Variants in TMEM108 observed in about 807,000 individuals in gnomAD.
TMEM108 encodes transmembrane protein 108.
TMEM108 carries 12 observed loss-of-function variants against 35.1 expected under a neutral mutation model. The ratio of observed to expected loss-of-function variants is 0.34; its 90% CI spans 0.22 to 0.55. The LOEUF (loss-of-function observed/expected upper bound fraction) is 0.55. Ranked by LOEUF, TMEM108 falls within the 20% of genes least tolerant of loss-of-function variation. The probability of loss-of-function intolerance (pLI) is 0.89; values close to 1 mark genes in which losing one functional copy is unlikely to be tolerated. For missense variants in TMEM108, 680 were observed against 753.3 expected, an observed-to-expected ratio of 0.90 and a Z score of 1.14; for synonymous variants, 287 against 308.6, an observed-to-expected ratio of 0.93 and a Z score of 0.73.
chr3:133,151,507 T>C (rs1162443000), intron 2 of TMEM108, among the ~76,000 whole-genome samples: 1 of 152,116 alleles, frequency 6.6e-6, no homozygotes, highest in Non-Finnish European at 1.5e-5. Flanking sequence ...TGTAGAGCCA[T>C]TTTATCTCTT....
intron 2 of TMEM108, among the ~76,000 whole-genome samples, chr3:133,152,371 A>G (rs926570164): frequency 6.6e-6 from 1 of 152,102 alleles, no homozygotes; most frequent in Non-Finnish European, 1.5e-5. Context: ...CACTTCATCT[A>G]TTTTGTTCAA....
intron 3 of TMEM108, among the ~76,000 whole-genome samples, chr3:133,265,375 T>C (rs1946683078): frequency 6.6e-6 from 1 of 152,192 alleles, no homozygotes; most frequent in African/African-American, 2.4e-5. Flanking sequence ...GCAGAACACA[T>C]ACTTTGGGTT....
intron 2 of TMEM108, among the ~76,000 whole-genome samples, chr3:133,075,134 G>A (rs535180101): frequency 9.9e-5 from 15 of 152,092 alleles, no homozygotes; most frequent in Admixed American, 5.9e-4. Context: ...CCATCTGTTC[G>A]GCCAGGGATG....
chr3:133,083,666 A>G lies in TMEM108; in HGVS notation c.-47+37646A>G, dbSNP rs191359049. ...GTCCCTGAAGTAATGTTTTATTTTT[A>G]GATAGTTCTAACCCTGAGGACATTC... On this transcript the variant is annotated intron_variant, in intron 2 of 5. Coordinates refer to ENST00000321871, the MANE Select transcript of TMEM108 (RefSeq NM_023943.4). Among the ~76,000 whole-genome samples the G allele has an allele frequency of 6.6e-3, 1,002 of 152,282 alleles. 11 individuals carry two copies. Among genetic ancestry groups the G allele is most frequent in the Non-Finnish European group, 5.9e-3 (404 of 68,012 alleles).
chr3:133,302,187 G>A (rs1326225615), intron 3 of TMEM108, among the ~76,000 whole-genome samples: 1 of 152,138 alleles, frequency 6.6e-6, no homozygotes, highest in Non-Finnish European at 1.5e-5. Context: ...GCTTGGAATT[G>A]TGATGCCGTG....
chr3:133,382,558 C>T (rs2073041070), intron 4 of TMEM108, among the ~76,000 whole-genome samples: 1 of 152,220 alleles, frequency 6.6e-6, no homozygotes, highest in Non-Finnish European at 1.5e-5. Flanking sequence ...GAAGAGGGAG[C>T]CGATGGTGGA....
chr3:133,261,869 A>G (rs1946630101), intron 3 of TMEM108, among the ~76,000 whole-genome samples: 1 of 152,180 alleles, frequency 6.6e-6, no homozygotes, highest in Admixed American at 6.5e-5. Context: ...TAGTTAGCTC[A>G]GTGTAAAGCT....
chr3:133,167,444 G>A (rs1239483212), intron 2 of TMEM108, among the ~76,000 whole-genome samples: 1 of 152,276 alleles, frequency 6.6e-6, no homozygotes, highest in East Asian at 1.9e-4. Context: ...CTGCAGAGCA[G>A]GGGGTGGTGC....
intron 3 of TMEM108, among the ~76,000 whole-genome samples, chr3:133,257,846 T>C (rs539876635): frequency 6.6e-6 from 1 of 152,300 alleles, no homozygotes; most frequent in South Asian, 2.1e-4. Flanking sequence ...TGCAACAACT[T>C]ACTTAGTGTA....
chr3:133,103,548 A>G (rs1333128697), intron 2 of TMEM108, among the ~76,000 whole-genome samples: 2 of 152,176 alleles, frequency 1.3e-5, no homozygotes, highest in East Asian at 3.8e-4. Flanking sequence ...AAGTTTACCT[A>G]TATAACCTGC....
At chr3:133,391,730 C>T (rs1198241118) in intron 5 of TMEM108, among the ~76,000 whole-genome samples, 1 of 152,102 alleles carries the variant, frequency 6.6e-6, no homozygotes, top group African/African-American at 2.4e-5. Context: ...CCTTCACTTG[C>T]TCACCTCAGT....
In TMEM108 at chr3:133,380,763, G is replaced by T. The variant is rs1183499427; in HGVS notation, c.1052G>T (p.Gly351Val). ...AGCAGACCTCTGTCTACCAGCTCTG[G>T]GGTCTTCACGGCTGCCACGGGGCCC... is the stretch of plus-strand genomic sequence containing the variant. ...GTSRPLSTSS[G>V]VFTAATGPTP... Residue 351 changes from glycine to valine, a missense_variant, in exon 4 of 6, where the codon GGG becomes GTG. Coordinates refer to ENST00000321871, the MANE Select transcript of TMEM108 (RefSeq NM_023943.4). The surrounding 1 kb of genome is among the most constrained non-coding windows in gnomAD (Gnocchi z 5.3). The T allele has an allele frequency of 1.9e-6, 3 of 1,614,104 alleles. No individual in the cohort carries two copies. The East Asian group carries it at 6.7e-5, about 36-fold the overall frequency.
At chr3:133,253,868 A>G (rs912214039) in intron 3 of TMEM108, among the ~76,000 whole-genome samples, 1 of 152,224 alleles carries the variant, frequency 6.6e-6, no homozygotes, top group Non-Finnish European at 1.5e-5. Flanking sequence ...TAAAGAAAAC[A>G]AAAGGAAAAA....
chr3:133,160,855 G>T (rs967093999), intron 2 of TMEM108, among the ~76,000 whole-genome samples: 1 of 152,070 alleles, frequency 6.6e-6, no homozygotes, highest in South Asian at 2.1e-4. Flanking sequence ...GACTTCTTTG[G>T]GGGGTGGTTT....
chr3:133,296,082 C>T (rs1283061233), intron 3 of TMEM108, among the ~76,000 whole-genome samples: 1 of 152,198 alleles, frequency 6.6e-6, no homozygotes, highest in African/African-American at 2.4e-5. Context: ...CTGTTTCTAG[C>T]ATGTCTAATG....
chr3:133,114,488 G>T (rs998323909), intron 2 of TMEM108, among the ~76,000 whole-genome samples: 3 of 152,118 alleles, frequency 2.0e-5, no homozygotes, highest in Non-Finnish European at 2.9e-5. Context: ...TAGTACCATA[G>T]TATTGATTTT....
intron 2 of TMEM108, among the ~76,000 whole-genome samples, chr3:133,119,700 A>G (rs1035823186): frequency 6.6e-6 from 1 of 152,162 alleles, no homozygotes; most frequent in African/African-American, 2.4e-5. Flanking sequence ...AAGTAGTCCT[A>G]GGAGGATTTC....
At chr3:133,116,654 T>C (rs546180146) in intron 2 of TMEM108, among the ~76,000 whole-genome samples, 1 of 152,320 alleles carries the variant, frequency 6.6e-6, no homozygotes, top group South Asian at 2.1e-4. Flanking sequence ...AGTTATAAAT[T>C]GACTTGGGTT....
At chr3:133,272,272 CGT>C (rs3078833) in intron 3 of TMEM108, among the ~76,000 whole-genome samples, 6,399 of 137,776 alleles carry the variant, frequency 0.046, 168 homozygotes, top group South Asian at 0.064. Flanking sequence ...CATACACGTA[CGT>C]GTGTGTGTGT....
Sources: gnomAD v4.1 joint callset for allele counts (sites outside exome capture counted in the v4.1 genomes callset) on GRCh38, gnomAD v4.1.1 for gene constraint, Gnocchi (gnomAD v3.1) non-coding constraint, MANE v1.5 for transcripts, NCBI Gene and HGNC (gene_info 2026-07-23, HGNC 2026-07-21) for gene names.